The following MUC5B variants were observed in gnomAD, a reference collection of about 807,000 sequenced individuals.
MUC5B encodes mucin 5B, oligomeric mucus/gel-forming, also known as mucin-5B.
MUC5B carries 116 observed loss-of-function variants against 376.9 expected under a neutral mutation model. The ratio of observed to expected loss-of-function variants is 0.31; its 90% CI spans 0.26 to 0.36. MUC5B has a LOEUF of 0.36. Among genes scored for constraint, MUC5B ranks in the 10% least tolerant of loss-of-function variants. The probability of loss-of-function intolerance (pLI) is 1.00; values close to 1 mark genes in which losing one functional copy is unlikely to be tolerated. For missense variants in MUC5B, 7,165 were observed against 7,769.9 expected (o/e 0.92, Z 2.93); for synonymous variants, 3,517 against 3,390.9 (o/e 1.04, Z -1.29).
chr11:1,244,573 G>A lies in MUC5B; in HGVS notation c.7693G>A (p.Ala2565Thr), dbSNP rs748271325. The change falls in exon 31 of 49, where the codon GCC becomes ACC. Residue 2565 changes from alanine to threonine, a missense_variant. Physicochemically the swap from Ala to Thr is moderately conservative, Grantham distance 58. Transcript: ENST00000529681. ...CACACCCACGGCCACCATGTCCACAGCCACACCCTCCTCCACTCCAGAGAC... is the reference window on the plus strand; with the variant it reads ...CACACCCACGGCCACCATGTCCACAACCACACCCTCCTCCACTCCAGAGAC... ...TTTPTATMST[A>T]TPSSTPETVH... 13 of 1,612,940 alleles carry A rather than the reference G, an allele frequency of 8.1e-6. 1 individual carries two copies. Among genetic ancestry groups the A allele is most frequent in the African/African-American group, 1.3e-5 (1 of 74,638 alleles).
At chr11:1,228,534 G>A (rs757529771) in intron 7 of MUC5B, 30 bp from the exon 8 acceptor site, 2 of 1,488,408 alleles carry the variant, frequency 1.3e-6, no homozygotes, top group African/African-American at 1.4e-5. Flanking sequence ...GATGGCAGGG[G>A]TGCCCAGCCT....
intron 10 of MUC5B, 21 bp downstream of exon 10, chr11:1,229,828 C>T (rs1455631369): frequency 6.4e-7 from 1 of 1,574,794 alleles, no homozygotes; most frequent in South Asian, 1.2e-5. Context: ...GCCCACCAGC[C>T]TCCGCCTGGG....
At chr11:1,236,588 GC>G in intron 24 of MUC5B, 26 bp downstream of exon 24, 1 of 1,604,928 alleles carries the variant, frequency 6.2e-7, no homozygotes, top group South Asian at 1.1e-5. Flanking sequence ...GCACTCCTAG[GC>G]CCTGCAGGAC....
Position 1,246,224 on chromosome 11 carries a change from C to A in MUC5B, c.9344C>A (p.Thr3115Lys), listed in dbSNP as rs563537111. Residue 3115 changes from threonine to lysine, a missense_variant, in exon 31 of 49, where the codon ACG (threonine) becomes AAG (lysine). Around this residue, in one of 31 missense-constraint regions of MUC5B, gnomAD observed 939 missense variants for 770.6 expected, o/e 1.22. Transcript: ENST00000529681. ...TSTVLTTKAT[T>K]TRATSSMSTP... ...ACAGTGCTGACCACGAAGGCCACCA[C>A]GACAAGGGCCACCAGTTCCATGTCC... 1.2e-5 allele frequency: 20 copies of A among 1,612,572 alleles called. No individual in the cohort carries two copies. The highest frequency in any genetic ancestry group is 2.7e-5 in the African/African-American group (2 of 74,586).
At position 1,250,456 on chromosome 11, in the gene MUC5B, C is replaced by T; in HGVS notation, c.13576C>T (p.Pro4526Ser). 22 of 1,594,226 alleles carry T rather than the reference C, an allele frequency of 1.4e-5. No homozygotes were observed. The highest frequency in any genetic ancestry group is 1.9e-5 in the Non-Finnish European group (22 of 1,163,514). Reference protein sequence around the residue: ...TPTATSFTAIPSSSLGTTWTR... With the variant: ...TPTATSFTAISSSSLGTTWTR... ...CACAGCTACCAGCTTTACAGCCATCCCCTCCTCCTCCCTGGGCACCACCTG... is the reference window on the plus strand; with the variant it reads ...CACAGCTACCAGCTTTACAGCCATCTCCTCCTCCTCCCTGGGCACCACCTG... The change falls in exon 31 of 49, where the codon CCC becomes TCC. Residue 4526 changes from proline (P) to serine (S), a missense_variant. Coordinates refer to ENST00000529681, the MANE Select transcript of MUC5B (RefSeq NM_002458.3).
chr11:1,224,511 A>G (rs1353007286), intron 1 of MUC5B, among the ~76,000 whole-genome samples: 1 of 32,378 alleles, frequency 3.1e-5, no homozygotes, highest in Non-Finnish European at 5.7e-5. Flanking sequence ...TGTCTGGGGC[A>G]GGGGAGGAGC....
Position 1,248,441 on chromosome 11 carries a change from C to A in MUC5B, c.11561C>A (p.Ser3854Tyr), listed in dbSNP as rs755762113. ...TRATGSVATPSSTPGTAHTTK... is the reference protein window; with the variant it reads ...TRATGSVATPYSTPGTAHTTK... ...GCCACCGGCTCTGTGGCCACCCCCT[C>A]TTCCACCCCAGGAACAGCTCACACT... The change falls in exon 31 of 49, where the codon TCT becomes TAT. Residue 3854 changes from serine (S) to tyrosine (Y), a missense_variant. Ser to Tyr is a moderately radical substitution (Grantham distance 144). Around this residue, in one of 31 missense-constraint regions of MUC5B, gnomAD observed 242 missense variants for 199.0 expected, o/e 1.22. Transcript: ENST00000529681. 2 of 1,610,484 alleles carry A rather than the reference C, an allele frequency of 1.2e-6. No individual in the cohort carries two copies. The highest frequency in any genetic ancestry group is 2.7e-5 in the African/African-American group (2 of 74,482).
intron 44 of MUC5B, 143 bp downstream of exon 44, chr11:1,259,204 G>A: frequency 1.3e-6 from 1 of 745,526 alleles, no homozygotes; most frequent in Non-Finnish European, 2.1e-6. Flanking sequence ...GTGAGTCCCT[G>A]AGGCACTTGC....
rs761970287 is a variant in MUC5B at position 1,231,408 on chromosome 11, C to CCA, written c.1541-11_1541-10dup. 6.9e-6 allele frequency: 11 copies of CCA among 1,603,430 alleles called. No individual in the cohort carries two copies. The highest frequency in any genetic ancestry group is 9.4e-6 in the Non-Finnish European group (11 of 1,174,216). ...CCTGCACCCCTGACCGGCCTCTCCC[C>CCA]CACACTCCCGGCAGCCAACATCACC... On this transcript the variant is annotated splice_polypyrimidine_tract_variant and intron_variant, in intron 13 of 48. Coordinates refer to ENST00000529681, the MANE Select transcript of MUC5B (RefSeq NM_002458.3).
chr11:1,257,494 C>G lies in MUC5B; in HGVS notation c.16270-36C>G. 1.3e-6 allele frequency: 2 copies of G among 1,599,056 alleles called. No individual in the cohort carries two copies. Among genetic ancestry groups the G allele is most frequent in the Non-Finnish European group, 1.7e-6 (2 of 1,173,198 alleles). On this transcript the variant is annotated intron_variant, in intron 40 of 48. Transcript: ENST00000529681. The surrounding 1 kb of genome is among the most constrained non-coding windows in gnomAD (Gnocchi z 8.9). ...ATGCCCAGGGTTGACCTGTGTCTGT[C>G]CAGGAGCCCTCAGGGACCCCCTTGA...
Position 1,244,651 on chromosome 11 carries a change from G to A in MUC5B, c.7771G>A (p.Gly2591Ser), listed in dbSNP as rs537734677. ...CACGGCCACCACAACCGGGGCCACC[G>A]GCTCTGTGGCCACCCCCTCCTCCAC... ...TTTATTTGATGSVATPSSTPG... is the reference protein window; with the variant it reads ...TTTATTTGATSSVATPSSTPG... Residue 2591 changes from glycine (G) to serine (S), a missense_variant, in exon 31 of 49, where the codon GGC (glycine) becomes AGC (serine). Physicochemically the swap from Gly to Ser is moderately conservative, Grantham distance 56. Coordinates refer to ENST00000529681, the MANE Select transcript of MUC5B (RefSeq NM_002458.3). 2.7e-5 allele frequency: 44 copies of A among 1,612,778 alleles called. No individual in the cohort carries two copies. The highest frequency in any genetic ancestry group is 5.4e-5 in the African/African-American group (4 of 74,552).
intron 48 of MUC5B, 145 bp from the exon 49 acceptor site, chr11:1,261,244 C>G (rs1460600181): frequency 1.5e-5 from 10 of 680,856 alleles, no homozygotes; most frequent in Non-Finnish European, 2.5e-5. Flanking sequence ...GAAGGTGAAG[C>G]CTCACGTGCC....
chr11:1,240,752 G>C, intron 30 of MUC5B, 99 bp from the exon 31 acceptor site: 1 of 1,176,522 alleles, frequency 8.5e-7, no homozygotes, highest in East Asian at 2.6e-5. Context: ...CACAGGGGCA[G>C]GGCCAGCCCT....
rs547631266 is a variant in MUC5B, at chr11:1,238,699, G to A, written c.3298-172G>A. ...GCACAGGTGGGCTGGAGAAGTGCTG[G>A]GGCAGCTCCCATTTGGGGCACGCTC... On this transcript the variant is annotated intron_variant, in intron 25 of 48. Transcript: ENST00000529681. 3.9e-5 allele frequency among the ~76,000 whole-genome samples: 6 copies of A among 152,272 alleles called. No homozygotes were observed. The South Asian group carries it at 1.2e-3, about 32-fold the overall frequency.
Position 1,257,446 on chromosome 11 carries a change from C to G in MUC5B, c.16270-84C>G. On this transcript the variant is annotated intron_variant, in intron 40 of 48. Transcript: ENST00000529681. The surrounding 1 kb of genome is among the most constrained non-coding windows in gnomAD (Gnocchi z 8.9). ...ACTCTGGGCCACTCGGGTACCAGCC[C>G]GAGGGAGGGGGTGGCTGGACAGATG... 6.6e-7 allele frequency: 1 copy of G among 1,518,220 alleles called. No individual in the cohort carries two copies. The highest frequency in any genetic ancestry group is 9.0e-7 in the Non-Finnish European group (1 of 1,114,056). The allele number at this position is 1,518,220 out of a possible 1,614,324, so 94.0% of individuals were successfully genotyped here. A position where few individuals can be genotyped will look rare whatever the true frequency, so the allele number is the denominator to read the frequency against.
Position 1,248,596 on chromosome 11 carries a change from C to A in MUC5B, c.11716C>A (p.Pro3906Thr). 6.2e-7 allele frequency: 1 copy of A among 1,612,992 alleles called. No homozygotes were observed. Among genetic ancestry groups the A allele is most frequent in the Non-Finnish European group, 8.5e-7 (1 of 1,179,468 alleles). Residue 3906 changes from proline (P) to threonine (T), a missense_variant, in exon 31 of 49, where the codon CCC (proline) becomes ACC (threonine). This residue lies in a region of MUC5B where 242 missense variants were observed against 199.0 expected (regional missense o/e 1.22). Coordinates refer to ENST00000529681, the MANE Select transcript of MUC5B (RefSeq NM_002458.3). ...TPTTSGSTVTPSSVPGTTHTP... is the reference protein window; with the variant it reads ...TPTTSGSTVTTSSVPGTTHTP... The stretch of plus-strand genomic sequence containing the variant: ...CACAACCAGTGGCTCCACGGTGACC[C>A]CCTCCTCCGTCCCGGGGACCACCCA...
Position 1,233,047 on chromosome 11 carries a change from C to T in MUC5B, c.2100C>T (p.Arg700=). The T allele has an allele frequency of 6.2e-7, 1 of 1,602,852 alleles. No individual in the cohort carries two copies. The highest frequency in any genetic ancestry group is 8.5e-7 in the Non-Finnish European group (1 of 1,178,132). Residue 700 remains arginine, a synonymous_variant, in exon 18 of 49, where the codon CGC becomes CGT. Transcript: ENST00000529681. ...TGCAGAACTGCCCCAAGTCCCAGCG[C>T]TACGCCTACGTGGTGGATGCCTGCC... ...KYMQNCPKSQ[R]YAYVVDACQP... is the part of the protein sequence containing the mutation.
At position 1,240,917 on chromosome 11, in the gene MUC5B, G is replaced by T; in HGVS notation, c.4037G>T (p.Gly1346Val). 6.2e-7 allele frequency: 1 copy of T among 1,612,958 alleles called. No individual in the cohort carries two copies. The highest frequency in any genetic ancestry group is 8.5e-7 in the Non-Finnish European group (1 of 1,179,832). ...TGCCGCTGGTCCAGCTGGTACAATGGGCACCGCCCAGAGCCCGGCCTGGGA... is the reference window on the plus strand; with the variant it reads ...TGCCGCTGGTCCAGCTGGTACAATGTGCACCGCCCAGAGCCCGGCCTGGGA... ...EVCRWSSWYN[G>V]HRPEPGLGGG... is the part of the protein sequence containing the mutation. The change falls in exon 31 of 49, where the codon GGG becomes GTG. Residue 1346 changes from glycine to valine, a missense_variant. Around this residue, in one of 31 missense-constraint regions of MUC5B, gnomAD observed 517 missense variants for 545.3 expected, o/e 0.95. Coordinates refer to ENST00000529681, the MANE Select transcript of MUC5B (RefSeq NM_002458.3).
chr11:1,249,882 C>T lies in MUC5B; in HGVS notation c.13002C>T (p.Thr4334=), dbSNP rs372427592. 70 of 1,613,540 alleles carry T rather than the reference C, an allele frequency of 4.3e-5. No homozygotes were observed. Among genetic ancestry groups the T allele is most frequent in the Admixed American group, 1.2e-4 (7 of 59,994 alleles). The change falls in exon 31 of 49, where the codon ACC becomes ACT. Residue 4334 remains threonine (T), a synonymous_variant. Coordinates refer to ENST00000529681, the MANE Select transcript of MUC5B (RefSeq NM_002458.3). Reference sequence around the variant, plus strand: ...TCCCCTCCTCCACCCTTGGGACCACCGGGACCCTCCCAGAACAGACCACCA... The same window carrying T: ...TCCCCTCCTCCACCCTTGGGACCACTGGGACCCTCCCAGAACAGACCACCA... ...TPIPSSTLGT[T]GTLPEQTTTP... is the part of the protein sequence containing the mutation.
Sources: gnomAD v4.1 joint callset for allele counts (sites outside exome capture counted in the v4.1 genomes callset) on GRCh38, gnomAD v4.1.1 for gene constraint, gnomAD v4.1.1 regional missense constraint, Gnocchi (gnomAD v3.1) non-coding constraint, MANE v1.5 for transcripts, NCBI Gene and HGNC (gene_info 2026-07-23, HGNC 2026-07-21) for gene names.